PFKFB2: variants seen among roughly 807,000 people sequenced by gnomAD.
PFKFB2 encodes 6-phosphofructo-2-kinase/fructose-2,6-bisphosphatase 2.
A neutral mutation model predicts 68.0 loss-of-function variants in PFKFB2; 53 were observed. That is an observed-to-expected ratio of 0.78 (90% confidence interval 0.63 to 0.98). The LOEUF (loss-of-function observed/expected upper bound fraction) is 0.98. PFKFB2 is among the 50% of genes least tolerant of loss of function. PFKFB2 has a pLI of 0.00. For missense variants in PFKFB2, 451 were observed against 642.0 expected, an observed-to-expected ratio of 0.70 and a Z score of 3.22; for synonymous variants, 222 against 227.6, an observed-to-expected ratio of 0.98 and a Z score of 0.22.
Position 207,075,518 on chromosome 1 carries a change from C to T in PFKFB2, c.*3147C>T, listed in dbSNP as rs1008768384. On this transcript the variant is annotated 3_prime_UTR_variant, in exon 15 of 15. Transcript: ENST00000367080. Reference sequence around the variant, plus strand: ...GCATGTTGGTAATCTGTATACATTACTATGACTGTGTCTATCACAAGTCCT... The same window carrying T: ...GCATGTTGGTAATCTGTATACATTATTATGACTGTGTCTATCACAAGTCCT... 37 of 984,936 alleles carry T rather than the reference C, an allele frequency of 3.8e-5. No homozygotes were observed. Among genetic ancestry groups the T allele is most frequent in the Non-Finnish European group, 4.5e-5 (37 of 829,580 alleles). 61.0% of individuals were successfully genotyped at this position (984,936 alleles called of 1,614,324 possible).
chr1:207,076,152 CT>C lies in PFKFB2; in HGVS notation c.*3782del, dbSNP rs1683615941. On this transcript the variant is annotated 3_prime_UTR_variant, in exon 15 of 15. Coordinates refer to ENST00000367080, the MANE Select transcript of PFKFB2 (RefSeq NM_006212.2). The stretch of plus-strand genomic sequence containing the variant: ...ATTCCATATGAGGATCTGGGTAATC[CT>C]CTTTGCAACCCACATTTGGTCTTCA... 1 of 985,080 alleles carries C rather than the reference CT, an allele frequency of 1.0e-6. No homozygotes were observed. The highest frequency in any genetic ancestry group is 1.7e-5 in the African/African-American group (1 of 57,190). 61.0% of individuals were successfully genotyped at this position (985,080 alleles called of 1,614,324 possible). A position where few individuals can be genotyped will look rare whatever the true frequency, so the allele number is the denominator to read the frequency against.
chr1:207,072,133 CATT>C (rs1683482896), intron 14 of PFKFB2, 68 bp from the exon 15 acceptor site: 1 of 1,565,342 alleles, frequency 6.4e-7, no homozygotes, highest in Non-Finnish European at 8.7e-7. Flanking sequence ...GTTACAAGCG[CATT>C]ATTAACCTGT....
At chr1:207,059,101 T>A (rs537031236) in intron 2 of PFKFB2, among the ~76,000 whole-genome samples, 2 of 152,172 alleles carry the variant, frequency 1.3e-5, no homozygotes, top group African/African-American at 4.8e-5. Context: ...TGTGCTTAAG[T>A]GTATTCTGGA....
rs377280561 is a variant in PFKFB2 at position 207,057,128 on chromosome 1, G to A, written c.85+2326G>A. 7.9e-5 allele frequency among the ~76,000 whole-genome samples: 12 copies of A among 152,060 alleles called. No homozygotes were observed. The East Asian group carries it at 1.2e-3, about 15-fold the overall frequency. ...GGCCGAGGTGCCTTTACGGTGCTCA[G>A]AGGACTGGTTTCAGGGCTTATGAAA... is the stretch of plus-strand genomic sequence containing the variant. On this transcript the variant is annotated intron_variant, in intron 2 of 14. Transcript: ENST00000367080.
At position 207,072,203 on chromosome 1, in the gene PFKFB2, G is replaced by C. The variant is rs1683484184; in HGVS notation, c.1351-1G>C. 6.2e-7 allele frequency: 1 copy of C among 1,613,496 alleles called. No individual in the cohort carries two copies. Among genetic ancestry groups the C allele is most frequent in the Non-Finnish European group, 8.5e-7 (1 of 1,179,718 alleles). On this transcript the variant is annotated splice_acceptor_variant, in intron 14 of 14. Coordinates refer to ENST00000367080, the MANE Select transcript of PFKFB2 (RefSeq NM_006212.2). LOFTEE classifies it high-confidence loss of function. The stretch of plus-strand genomic sequence containing the variant: ...TGTGGTGTCACTCCATTTCCAATCA[G>C]AACAACTTCCCCAAGAACCAAACCC...
At position 207,070,280 on chromosome 1, in the gene PFKFB2, T is replaced by G; in HGVS notation, c.1093T>G (p.Ser365Ala). ...KYLYRYPGGE[S>A]YQDLVQRLEP... ...CAGCCTGCCCCATTTCCCTCCACAG[T>G]CATACCAGGACCTGGTGCAGCGGCT... The change falls in exon 12 of 15, where the codon TCA becomes GCA. Residue 365 changes from serine to alanine, a missense_variant and splice_region_variant. Transcript: ENST00000367080. This position sits in a 1 kb window ranked among gnomAD's most constrained non-coding sequence, Gnocchi z 4.2. 6.2e-7 allele frequency: 1 copy of G among 1,612,918 alleles called. No homozygotes were observed. Among genetic ancestry groups the G allele is most frequent in the Non-Finnish European group, 8.5e-7 (1 of 1,179,852 alleles).
intron 14 of PFKFB2, among the ~76,000 whole-genome samples, 162 bp downstream of exon 14, chr1:207,071,735 A>T (rs200380022): frequency 2.0e-5 from 3 of 150,844 alleles, no homozygotes; most frequent in South Asian, 2.1e-4. Context: ...TGTTGGAATT[A>T]TTTTTTTTTT....
At position 207,063,679 on chromosome 1, in the gene PFKFB2, G is replaced by C. The variant is rs546475639; in HGVS notation, c.451-94G>C. 2.3e-5 allele frequency: 24 copies of C among 1,028,454 alleles called. No homozygotes were observed. Among genetic ancestry groups the C allele is most frequent in the Non-Finnish European group, 3.7e-5 (24 of 648,176 alleles). 63.7% of individuals were successfully genotyped at this position (1,028,454 alleles called of 1,614,324 possible). ...CACTTTCATGAAGAAAATCCTGGGAGATGTGGTGGCTGGGTGGGGTAGATG... is the reference window on the plus strand; with the variant it reads ...CACTTTCATGAAGAAAATCCTGGGACATGTGGTGGCTGGGTGGGGTAGATG... On this transcript the variant is annotated intron_variant, in intron 6 of 14. Coordinates refer to ENST00000367080, the MANE Select transcript of PFKFB2 (RefSeq NM_006212.2). This position sits in a 1 kb window ranked among gnomAD's most constrained non-coding sequence, Gnocchi z 4.1.
Position 207,063,692 on chromosome 1 carries a change from G to A in PFKFB2, c.451-81G>A. On this transcript the variant is annotated intron_variant, in intron 6 of 14. Coordinates refer to ENST00000367080, the MANE Select transcript of PFKFB2 (RefSeq NM_006212.2). The surrounding 1 kb of genome is among the most constrained non-coding windows in gnomAD (Gnocchi z 4.1). Reference sequence around the variant, plus strand: ...AAAATCCTGGGAGATGTGGTGGCTGGGTGGGGTAGATGAGCATGTGCTCTT... The same window carrying A: ...AAAATCCTGGGAGATGTGGTGGCTGAGTGGGGTAGATGAGCATGTGCTCTT... 1 of 1,137,052 alleles carries A rather than the reference G, an allele frequency of 8.8e-7. No individual in the cohort carries two copies. Among genetic ancestry groups the A allele is most frequent in the Non-Finnish European group, 1.3e-6 (1 of 745,542 alleles). 70.4% of individuals were successfully genotyped at this position (1,137,052 alleles called of 1,614,324 possible).
rs984184675 is a variant in PFKFB2 at position 207,063,717 on chromosome 1, T to A, written c.451-56T>A. 1 of 1,445,700 alleles carries A rather than the reference T, an allele frequency of 6.9e-7. No individual in the cohort carries two copies. Among genetic ancestry groups the A allele is most frequent in the African/African-American group, 1.4e-5 (1 of 71,640 alleles). The allele number at this position is 1,445,700 out of a possible 1,614,324, so 89.6% of individuals were successfully genotyped here. A position where few individuals can be genotyped will look rare whatever the true frequency, so the allele number is the denominator to read the frequency against. On this transcript the variant is annotated intron_variant, in intron 6 of 14. Coordinates refer to ENST00000367080, the MANE Select transcript of PFKFB2 (RefSeq NM_006212.2). This position sits in a 1 kb window ranked among gnomAD's most constrained non-coding sequence, Gnocchi z 4.1. ...GGTGGGGTAGATGAGCATGTGCTCT[T>A]AATTAACAGCCTGGCATTTTTGACT...
Position 207,077,447 on chromosome 1 carries a change from A to G in PFKFB2, c.*5076A>G. 2.0e-6 allele frequency: 2 copies of G among 985,306 alleles called. No individual in the cohort carries two copies. The highest frequency in any genetic ancestry group is 2.4e-6 in the Non-Finnish European group (2 of 829,820). The allele number at this position is 985,306 out of a possible 1,614,324, so 61.0% of individuals were successfully genotyped here. The stretch of plus-strand genomic sequence containing the variant: ...TCTGAATTGCTTATGTACGTTTTTT[A>G]TTATATTGACCTAACAAGAAGATCA... On this transcript the variant is annotated 3_prime_UTR_variant, in exon 15 of 15. Coordinates refer to ENST00000367080, the MANE Select transcript of PFKFB2 (RefSeq NM_006212.2).
chr1:207,075,350 T>G lies in PFKFB2; in HGVS notation c.*2979T>G. 1.0e-6 allele frequency: 1 copy of G among 985,482 alleles called. No individual in the cohort carries two copies. The highest frequency in any genetic ancestry group is 1.2e-6 in the Non-Finnish European group (1 of 829,938). 61.0% of individuals were successfully genotyped at this position (985,482 alleles called of 1,614,324 possible). On this transcript the variant is annotated 3_prime_UTR_variant, in exon 15 of 15. Transcript: ENST00000367080. ...TTGGCAAGCAAGGGCTTCAGCATCC[T>G]TTAGTTTCTAAAGCAAGATCCCTTC... is the stretch of plus-strand genomic sequence containing the variant.
downstream of PFKFB2, chr1:207,077,856 T>C (rs139596812): frequency 1.1e-4 from 102 of 959,690 alleles, no homozygotes; most frequent in African/African-American, 1.7e-3. Flanking sequence ...TATTTTCAGT[T>C]GTGTTTCCCA....
At chr1:207,050,929 CG>C (rs1558054603), upstream of PFKFB2, 4 of 1,588,280 alleles carry the variant, frequency 2.5e-6, no homozygotes, top group Admixed American at 7.1e-5. Flanking sequence ...GCCAGGCACC[CG>C]CGGGGCCAGC....
At position 207,075,675 on chromosome 1, in the gene PFKFB2, G is replaced by GTT; in HGVS notation, c.*3304_*3305insTT. The GTT allele has an allele frequency of 2.1e-6, 2 of 968,112 alleles. No individual in the cohort carries two copies. Among genetic ancestry groups the GTT allele is most frequent in the Non-Finnish European group, 2.5e-6 (2 of 814,124 alleles). The allele number at this position is 968,112 out of a possible 1,614,324, so 60.0% of individuals were successfully genotyped here. A position where few individuals can be genotyped will look rare whatever the true frequency, so the allele number is the denominator to read the frequency against. On this transcript the variant is annotated 3_prime_UTR_variant, in exon 15 of 15. Transcript: ENST00000367080. The stretch of plus-strand genomic sequence containing the variant: ...GCTGTGGCTTATACCTGTAGTCCCA[G>GTT]ATACTTGGGAGGCTGAGGCAGGAGA...
At chr1:207,053,804 C>A (rs1682826580) in intron 1 of PFKFB2, among the ~76,000 whole-genome samples, 1 of 151,988 alleles carries the variant, frequency 6.6e-6, no homozygotes, top group Admixed American at 6.6e-5. Context: ...CGTGCTAGGG[C>A]TGTCTTGGGG....
chr1:207,044,506 C>A (rs1682547549), intron 2 of PFKFB2: 1 of 152,504 alleles, frequency 6.6e-6, no homozygotes, highest in African/African-American at 2.4e-5. Context: ...ATGATCCTTT[C>A]TGTTTACCTA....
intron 1 of PFKFB2, among the ~76,000 whole-genome samples, chr1:207,041,305 A>G (rs1572705545): frequency 6.6e-6 from 1 of 151,602 alleles, no homozygotes; most frequent in Admixed American, 6.6e-5. Context: ...ACATAGGTAT[A>G]CATGTGCCAT....
At chr1:207,051,139 A>C, upstream of PFKFB2, 19 of 1,418,688 alleles carry the variant, frequency 1.3e-5, no homozygotes, top group Non-Finnish European at 1.6e-5. Context: ...TTTTTCCCCC[A>C]CCCTCAGAAC....
Sources: allele counts gnomAD v4.1 joint callset (sites outside exome capture counted in the v4.1 genomes callset), GRCh38; gene constraint gnomAD v4.1.1; non-coding constraint Gnocchi (gnomAD v3.1); transcripts MANE v1.5; gene names NCBI Gene and HGNC (gene_info 2026-07-23, HGNC 2026-07-21).